ZNF180: variants seen among roughly 807,000 people sequenced by gnomAD.
The protein encoded by ZNF180 is zinc finger protein 180.
A neutral mutation model predicts 11.8 loss-of-function variants in ZNF180; 11 were observed. The observed-to-expected ratio is 0.93, with a 90% CI of 0.59 to 1.55. ZNF180 has a LOEUF of 1.55. Ranked by LOEUF, ZNF180 falls within the 40% of genes most tolerant of loss-of-function variation. The pLI is 0.00. For synonymous variants in ZNF180, 287 were observed against 257.7 expected (o/e 1.11, Z -1.09); for missense variants, 773 against 781.7 (o/e 0.99, Z 0.13).
chr19:44,477,078 T>G lies in ZNF180; in HGVS notation c.1322A>C (p.Asn441Thr). Reference protein sequence around the residue: ...THTGEKPYECNQCGKSFIQSY... With the variant: ...THTGEKPYECTQCGKSFIQSY... ...CTGGATAAATGATTTCCCACATTGA[T>G]TACATTCATAGGGCTTCTCTCCGGT... The change falls in exon 5 of 5, where the codon AAT becomes ACT. Residue 441 changes from asparagine (N) to threonine (T), a missense_variant. Coordinates refer to ENST00000592529, the MANE Select transcript of ZNF180 (RefSeq NM_001278509.3). 1 of 1,613,982 alleles carries G rather than the reference T, an allele frequency of 6.2e-7. No homozygotes were observed. Among genetic ancestry groups the G allele is most frequent in the Non-Finnish European group, 8.5e-7 (1 of 1,179,890 alleles).
rs1464967833 is a variant in ZNF180 at position 44,484,367 on chromosome 19, T to A, written c.120A>T (p.Pro40=). Residue 40 remains proline (P), a synonymous_variant, in exon 3 of 5, where the codon CCA becomes CCT. Coordinates refer to ENST00000592529, the MANE Select transcript of ZNF180 (RefSeq NM_001278509.3). ...EGEDTGSLTI[P]SQEGVNFKIV... ...GAGGCCTTGCCCAACCTACCTGAGA[T>A]GGGATGGTCAGAGACCCAGTGTCTT... 1 of 1,612,718 alleles carries A rather than the reference T, an allele frequency of 6.2e-7. No individual in the cohort carries two copies. Among genetic ancestry groups the A allele is most frequent in the Non-Finnish European group, 8.5e-7 (1 of 1,178,760 alleles).
chr19:44,483,995 CTTTT>C (rs66671115), intron 3 of ZNF180, among the ~76,000 whole-genome samples: 12 of 136,872 alleles, frequency 8.8e-5, no homozygotes, highest in East Asian at 4.2e-4. Context: ...TTCTTTCTTT[CTTTT>C]TTTTTTTTTT....
In ZNF180 at chr19:44,495,305, G is replaced by A. The variant is rs955930722; in HGVS notation, c.51+1979C>T. 2.6e-5 allele frequency among the ~76,000 whole-genome samples: 4 copies of A among 151,870 alleles called. No individual in the cohort carries two copies. Among genetic ancestry groups the A allele is most frequent in the Admixed American group, 6.6e-5 (1 of 15,254 alleles). ...ACTCGGCCACCCTCTGCCCAGGGGA[G>A]CTCCTCACCCTGCTTAGGCTTTGAC... On this transcript the variant is annotated intron_variant, in intron 2 of 4. Coordinates refer to ENST00000592529, the MANE Select transcript of ZNF180 (RefSeq NM_001278509.3). The surrounding 1 kb of genome is among the most constrained non-coding windows in gnomAD (Gnocchi z 4.5).
At chr19:44,481,863 T>C (rs1173173003) in intron 3 of ZNF180, among the ~76,000 whole-genome samples, 1 of 152,230 alleles carries the variant, frequency 6.6e-6, no homozygotes, top group Non-Finnish European at 1.5e-5. Context: ...CTGTACCACA[T>C]ACCCATTTGA....
chr19:44,484,283 G>T (rs557134041), intron 3 of ZNF180, 78 bp downstream of exon 3: 2 of 1,223,676 alleles, frequency 1.6e-6, no homozygotes, highest in South Asian at 1.2e-5. Context: ...ACCGCGCCCG[G>T]CCTATTTCCT....
chr19:44,498,708 C>A (rs1367736304), intron 1 of ZNF180, among the ~76,000 whole-genome samples: 1 of 152,160 alleles, frequency 6.6e-6, no homozygotes, highest in South Asian at 2.1e-4. Context: ...CAGCTGCTCC[C>A]CCCCACACAC....
chr19:44,484,807 G>A, intron 2 of ZNF180: 4 of 234,768 alleles, frequency 1.7e-5, no homozygotes, highest in Admixed American at 5.1e-5. Context: ...CAAATAAAAT[G>A]GAATACAGCA....
intron 2 of ZNF180, among the ~76,000 whole-genome samples, chr19:44,496,869 G>A (rs1201068292): frequency 6.6e-6 from 1 of 151,948 alleles, no homozygotes; most frequent in Non-Finnish European, 1.5e-5. Flanking sequence ...CTTAACATAG[G>A]TAATAAATAA....
At position 44,476,351 on chromosome 19, in the gene ZNF180, ATT is replaced by A. The variant is rs1180044214; in HGVS notation, c.*49_*50del. ...AACTACATGTACTACCTTAAAATAA[ATT>A]TTTTAAAAGAATGAAATAAAAAGGA... On this transcript the variant is annotated 3_prime_UTR_variant, in exon 5 of 5. Transcript: ENST00000592529. 2 of 1,488,554 alleles carry A rather than the reference ATT, an allele frequency of 1.3e-6. No individual in the cohort carries two copies. The highest frequency in any genetic ancestry group is 2.8e-5 in the African/African-American group (2 of 71,030). The allele number at this position is 1,488,554 out of a possible 1,614,324, so 92.2% of individuals were successfully genotyped here. A position where few individuals can be genotyped will look rare whatever the true frequency, so the allele number is the denominator to read the frequency against.
chr19:44,500,331 C>T lies in ZNF180; in HGVS notation c.-100G>A. 1 of 1,539,320 alleles carries T rather than the reference C, an allele frequency of 6.5e-7. No homozygotes were observed. The highest frequency in any genetic ancestry group is 2.2e-5 in the East Asian group (1 of 44,468). On this transcript the variant is annotated 5_prime_UTR_variant, in exon 1 of 5. Transcript: ENST00000592529. ...GGCCTGTCACCGCCTCAGTGCCTAG[C>T]ACGGCTCTGCGGCAGGACGAACTCG...
At chr19:44,497,480 A>G in intron 1 of ZNF180, 103 bp from the exon 2 acceptor site, 1 of 1,170,830 alleles carries the variant, frequency 8.5e-7, no homozygotes, top group Non-Finnish European at 1.2e-6. Flanking sequence ...ATGCATTCCC[A>G]TAGCAAATGC....
rs754444365 is a variant in ZNF180, at chr19:44,495,523, C to A, written c.51+1761G>T. Among the ~76,000 whole-genome samples the A allele has an allele frequency of 2.0e-5, 3 of 152,074 alleles. No individual in the cohort carries two copies. Among genetic ancestry groups the A allele is most frequent in the Non-Finnish European group, 4.4e-5 (3 of 68,010 alleles). ...ACATGCCACACCAGGCTGCACCTGA[C>A]CCCCAACACAGGTGCACATCTCACC... On this transcript the variant is annotated intron_variant, in intron 2 of 4. Transcript: ENST00000592529. This position sits in a 1 kb window ranked among gnomAD's most constrained non-coding sequence, Gnocchi z 4.5.
At chr19:44,490,001 G>GA (rs1555675168) in intron 2 of ZNF180, among the ~76,000 whole-genome samples, 30 of 105,802 alleles carry the variant, frequency 2.8e-4, no homozygotes, top group African/African-American at 4.5e-4. Flanking sequence ...AAGCAAGAAA[G>GA]AAAGAAAAGA....
intron 2 of ZNF180, among the ~76,000 whole-genome samples, chr19:44,492,364 C>G (rs1970469888): frequency 7.4e-6 from 1 of 135,462 alleles, no homozygotes; most frequent in Non-Finnish European, 1.6e-5. Flanking sequence ...TCTGTATGCT[C>G]TGGAGCATCT....
At chr19:44,497,500 G>A in intron 1 of ZNF180, 123 bp from the exon 2 acceptor site, 1 of 982,282 alleles carries the variant, frequency 1.0e-6, no homozygotes, top group Non-Finnish European at 1.5e-6. Context: ...CACTTCTGGA[G>A]GTTCCTGCCA....
intron 2 of ZNF180, among the ~76,000 whole-genome samples, chr19:44,493,708 A>C (rs1327360333): frequency 6.6e-6 from 1 of 151,284 alleles, no homozygotes; most frequent in East Asian, 2.0e-4. Context: ...GATAAAAGAC[A>C]TTGTGGCTTC....
At chr19:44,499,932 G>C (rs1437039128) in intron 1 of ZNF180, among the ~76,000 whole-genome samples, 1 of 152,134 alleles carries the variant, frequency 6.6e-6, no homozygotes, top group Non-Finnish European at 1.5e-5. Context: ...CCATCAACCC[G>C]GACATCCTCA....
In ZNF180 at chr19:44,478,123, T is replaced by C. The variant is rs774735544; in HGVS notation, c.277A>G (p.Lys93Glu). ...SWDLATAVGK[K>E]DSTSKQRIFD... ...ATCCTCTGCTTTGAAGTTGAATCTT[T>C]TTTTCCAACTGCAGTTGCCAAGTCT... Residue 93 changes from lysine (K) to glutamate (E), a missense_variant, in exon 5 of 5, where the codon AAA becomes GAA. Coordinates refer to ENST00000592529, the MANE Select transcript of ZNF180 (RefSeq NM_001278509.3). 1 of 1,575,302 alleles carries C rather than the reference T, an allele frequency of 6.3e-7. No homozygotes were observed.
At chr19:44,488,259 C>T (rs1285540662) in intron 2 of ZNF180, among the ~76,000 whole-genome samples, 1 of 140,266 alleles carries the variant, frequency 7.1e-6, no homozygotes, top group Non-Finnish European at 1.6e-5. Context: ...CTCCCTCTCC[C>T]TCTCTTTCCA....
Sources: gnomAD v4.1 joint callset for allele counts (sites outside exome capture counted in the v4.1 genomes callset) on GRCh38, gnomAD v4.1.1 for gene constraint, Gnocchi (gnomAD v3.1) non-coding constraint, MANE v1.5 for transcripts, NCBI Gene and HGNC (gene_info 2026-07-23, HGNC 2026-07-21) for gene names.